CHCHD3: variants seen among roughly 807,000 people sequenced by gnomAD.
CHCHD3 encodes the protein MICOS complex subunit MIC19.
CHCHD3 carries 20 observed loss-of-function variants against 38.2 expected under a neutral mutation model. That is an observed-to-expected ratio of 0.52 (90% CI 0.37 to 0.76). The LOEUF (loss-of-function observed/expected upper bound fraction) is 0.76. CHCHD3 is among the 30% of genes least tolerant of loss of function. CHCHD3 has a pLI of 0.00. For synonymous variants in CHCHD3, 82 were observed against 100.0 expected (o/e 0.82, Z 1.07); for missense variants, 245 against 279.2 (o/e 0.88, Z 0.87).
intron 6 of CHCHD3, among the ~76,000 whole-genome samples, chr7:132,833,242 T>G (rs1400037919): frequency 6.6e-6 from 1 of 152,164 alleles, no homozygotes; most frequent in African/African-American, 2.4e-5. Flanking sequence ...CGACATGAAG[T>G]GTTGACAATT....
Position 132,785,666 on chromosome 7 carries a change from A to G in CHCHD3, c.661-6T>C, listed in dbSNP as rs762712824. 3.1e-6 allele frequency: 5 copies of G among 1,614,112 alleles called. No homozygotes were observed. Among genetic ancestry groups the G allele is most frequent in the Non-Finnish European group, 4.2e-6 (5 of 1,179,950 alleles). ...CCTCCCTTCTCAAGCATGCTCTGCA[A>G]GAAAAACAGAAAGAGTAAGTTTTAC... is the stretch of plus-strand genomic sequence containing the variant. On this transcript the variant is annotated splice_region_variant and splice_polypyrimidine_tract_variant and intron_variant, in intron 7 of 7. Transcript: ENST00000262570.
chr7:132,947,903 A>G (rs1407559680), intron 4 of CHCHD3, among the ~76,000 whole-genome samples: 5 of 152,072 alleles, frequency 3.3e-5, no homozygotes, highest in African/African-American at 1.2e-4. Context: ...AATATGACAT[A>G]CAGATATCAT....
chr7:132,911,572 A>T (rs934656197), intron 4 of CHCHD3, among the ~76,000 whole-genome samples: 4 of 152,364 alleles, frequency 2.6e-5, no homozygotes, highest in African/African-American at 9.6e-5. Flanking sequence ...AGAAGTGCAG[A>T]AGTAGTGATT....
chr7:132,899,539 CAG>C (rs2117200012), intron 4 of CHCHD3, among the ~76,000 whole-genome samples: 2 of 152,336 alleles, frequency 1.3e-5, no homozygotes, highest in African/African-American at 4.8e-5. Context: ...CCACTTCAAA[CAG>C]AATGTAAACC....
intron 5 of CHCHD3, among the ~76,000 whole-genome samples, chr7:132,867,934 G>T (rs17166779): frequency 6.6e-6 from 1 of 151,970 alleles, no homozygotes; most frequent in East Asian, 1.9e-4. Context: ...ACCATATTTC[G>T]TACCACAGAG....
intron 3 of CHCHD3, among the ~76,000 whole-genome samples, chr7:132,977,858 A>C (rs1811811975): frequency 6.6e-6 from 1 of 152,156 alleles, no homozygotes; most frequent in South Asian, 2.1e-4. Context: ...ACTTTAAGAA[A>C]TACAGGATCA....
chr7:133,041,941 A>G (rs1813846365), intron 2 of CHCHD3, among the ~76,000 whole-genome samples: 1 of 152,266 alleles, frequency 6.6e-6, no homozygotes, highest in East Asian at 1.9e-4. Flanking sequence ...CAGCTAAAAA[A>G]TAAACATAGT....
intron 2 of CHCHD3, among the ~76,000 whole-genome samples, chr7:133,049,577 C>T (rs1269938103): frequency 6.6e-6 from 1 of 152,156 alleles, no homozygotes; most frequent in African/African-American, 2.4e-5. Flanking sequence ...GGCAACAAGC[C>T]TTACTCATCT....
Position 133,082,047 on chromosome 7 carries a change from A to G in CHCHD3, c.-110T>C. ...CTGGATTCTTTTCCCGCACAGCGGG[A>G]GCAAGGCCACGACCCCCAGAAGCAA... On this transcript the variant is annotated 5_prime_UTR_variant, in exon 1 of 8. Coordinates refer to ENST00000262570, the MANE Select transcript of CHCHD3 (RefSeq NM_017812.4). 1 of 1,023,992 alleles carries G rather than the reference A, an allele frequency of 9.8e-7. No homozygotes were observed. Among genetic ancestry groups the G allele is most frequent in the Non-Finnish European group, 1.4e-6 (1 of 720,730 alleles). 63.4% of individuals were successfully genotyped at this position (1,023,992 alleles called of 1,614,324 possible).
At chr7:132,807,348 T>C (rs1250455989) in intron 6 of CHCHD3, among the ~76,000 whole-genome samples, 1 of 152,096 alleles carries the variant, frequency 6.6e-6, no homozygotes, top group East Asian at 1.9e-4. Flanking sequence ...AAGGTAAGTA[T>C]ATCTAAGGCA....
chr7:132,889,136 T>TATATTG (rs1809298921), intron 4 of CHCHD3, among the ~76,000 whole-genome samples: 1 of 152,056 alleles, frequency 6.6e-6, no homozygotes, highest in African/African-American at 2.4e-5. Flanking sequence ...ACCTATTAAA[T>TATATTG]AATTATATTA....
chr7:132,978,115 C>T (rs1360207523), intron 3 of CHCHD3, among the ~76,000 whole-genome samples: 3 of 152,074 alleles, frequency 2.0e-5, no homozygotes, highest in Non-Finnish European at 4.4e-5. Flanking sequence ...ATAAACAAGG[C>T]ACTCAGCACA....
chr7:132,933,029 A>T (rs1262118943), intron 4 of CHCHD3, among the ~76,000 whole-genome samples: 1 of 152,360 alleles, frequency 6.6e-6, no homozygotes, highest in East Asian at 1.9e-4. Flanking sequence ...GAAGTTTTAA[A>T]CAAGGGTCAC....
chr7:133,022,382 C>T (rs1211957768), intron 3 of CHCHD3: 9 of 456,432 alleles, frequency 2.0e-5, no homozygotes, highest in Non-Finnish European at 4.0e-5. Flanking sequence ...CTATAAATCT[C>T]GATTCAATTC....
intron 5 of CHCHD3, among the ~76,000 whole-genome samples, chr7:132,856,794 T>G (rs1808351200): frequency 6.6e-6 from 1 of 152,224 alleles, no homozygotes; most frequent in Non-Finnish European, 1.5e-5. Context: ...ATTTACTCAT[T>G]ACACGCCTCC....
At chr7:132,797,193 C>A (rs947880009) in intron 6 of CHCHD3, among the ~76,000 whole-genome samples, 14 of 152,194 alleles carry the variant, frequency 9.2e-5, no homozygotes, top group Admixed American at 9.2e-4. Context: ...CTTCACCCCC[C>A]AACCCTGCAC....
At chr7:133,080,884 C>T (rs886149595) in intron 1 of CHCHD3, among the ~76,000 whole-genome samples, 4 of 151,228 alleles carry the variant, frequency 2.6e-5, no homozygotes, top group African/African-American at 9.8e-5. Flanking sequence ...AATTTATTTA[C>T]GCTGGTTGAT....
intron 3 of CHCHD3, among the ~76,000 whole-genome samples, chr7:132,989,201 G>C (rs1812205495): frequency 6.6e-6 from 1 of 152,116 alleles, no homozygotes; most frequent in African/African-American, 2.4e-5. Context: ...TTAAGTCCTG[G>C]TTCTGAATAA....
chr7:132,861,324 G>A (rs1028535787), intron 5 of CHCHD3, among the ~76,000 whole-genome samples: 6 of 152,214 alleles, frequency 3.9e-5, no homozygotes, highest in East Asian at 1.9e-4. Flanking sequence ...GTGTTTCGTC[G>A]TTAGATCACC....
Sources: allele counts gnomAD v4.1 joint callset (sites outside exome capture counted in the v4.1 genomes callset), GRCh38; gene constraint gnomAD v4.1.1; transcripts MANE v1.5; gene names NCBI Gene and HGNC (gene_info 2026-07-23, HGNC 2026-07-21).